MFN1: variants seen among roughly 807,000 people sequenced by gnomAD.
MFN1 encodes the protein mitofusin 1, also known as mitofusin-1.
In MFN1, 65 loss-of-function variants were observed where a neutral mutation model predicts 92.4. That is an observed-to-expected ratio of 0.70 (90% confidence interval 0.58 to 0.86). The LOEUF is 0.86. MFN1 is among the 40% of genes least tolerant of loss of function. The pLI is 0.00. For synonymous variants in MFN1, 297 were observed against 300.9 expected (o/e 0.99, Z 0.13); for missense variants, 781 against 868.0 (o/e 0.90, Z 1.26).
intron 5 of MFN1, 148 bp from the exon 6 acceptor site, chr3:179,364,149 C>A: frequency 1.8e-6 from 1 of 560,692 alleles, no homozygotes; most frequent in Non-Finnish European, 3.1e-6. Flanking sequence ...TCAAAGATCA[C>A]TAAGTTAAAA....
At chr3:179,348,701 C>T (rs1712017812) in intron 1 of MFN1, 144 bp from the exon 2 acceptor site, 5 of 1,263,078 alleles carry the variant, frequency 4.0e-6, no homozygotes, top group Middle Eastern at 2.2e-4. Context: ...CTGACTAGAA[C>T]ACTCCCAAAA....
chr3:179,392,074 T>C lies in MFN1; in HGVS notation c.*15T>C, dbSNP rs202217282. The stretch of plus-strand genomic sequence containing the variant: ...AAGAATCCTAACAATAGAGATTGCT[T>C]TGGTGACCATGATAGGAGGAAACGA... On this transcript the variant is annotated 3_prime_UTR_variant, in exon 18 of 18. Coordinates refer to ENST00000471841, the MANE Select transcript of MFN1 (RefSeq NM_033540.3). The C allele has an allele frequency of 3.0e-4, 464 of 1,560,246 alleles. No homozygotes were observed. The highest frequency in any genetic ancestry group is 3.7e-4 in the Non-Finnish European group (421 of 1,136,662).
chr3:179,392,236 G>A lies in MFN1; in HGVS notation c.*177G>A, dbSNP rs950890301. ...CAGGGTATGTGTATTTTTGAAGAGTGTTATGTCCTTAGTTTTAATTTTGAG... is the reference window on the plus strand; with the variant it reads ...CAGGGTATGTGTATTTTTGAAGAGTATTATGTCCTTAGTTTTAATTTTGAG... On this transcript the variant is annotated 3_prime_UTR_variant, in exon 18 of 18. Transcript: ENST00000471841. The A allele has an allele frequency of 2.2e-6, 1 of 446,316 alleles. No homozygotes were observed. Among genetic ancestry groups the A allele is most frequent in the African/African-American group, 2.0e-5 (1 of 49,348 alleles). 27.6% of individuals were successfully genotyped at this position (446,316 alleles called of 1,614,324 possible).
At chr3:179,384,203 A>G (rs1285564442) in intron 14 of MFN1, among the ~76,000 whole-genome samples, 1 of 152,248 alleles carries the variant, frequency 6.6e-6, no homozygotes, top group South Asian at 2.1e-4. Context: ...CATTATAGAT[A>G]CAACACTATC....
intron 10 of MFN1, 55 bp downstream of exon 10, chr3:179,375,396 G>A: frequency 6.3e-7 from 1 of 1,598,508 alleles, no homozygotes; most frequent in Middle Eastern, 1.7e-4. Context: ...TCAGACTTTT[G>A]TTAAGATGAG....
At chr3:179,362,735 A>G (rs1379837416) in intron 5 of MFN1, among the ~76,000 whole-genome samples, 2 of 152,170 alleles carry the variant, frequency 1.3e-5, no homozygotes, top group African/African-American at 4.8e-5. Context: ...CCGCAGTGCC[A>G]CGATCTTGGC....
chr3:179,354,587 G>A (rs1358323265), intron 3 of MFN1, among the ~76,000 whole-genome samples: 1 of 152,192 alleles, frequency 6.6e-6, no homozygotes, highest in Admixed American at 6.5e-5. Flanking sequence ...AGGAATTCCG[G>A]ATGGGTCCAT....
chr3:179,360,464 A>G (rs1198124073), intron 4 of MFN1, among the ~76,000 whole-genome samples: 2 of 152,122 alleles, frequency 1.3e-5, no homozygotes, highest in Admixed American at 1.3e-4. Flanking sequence ...ATATTTATGA[A>G]TAAATATTTT....
At chr3:179,381,816 C>T (rs1187605524) in intron 14 of MFN1, among the ~76,000 whole-genome samples, 1 of 152,144 alleles carries the variant, frequency 6.6e-6, no homozygotes, top group African/African-American at 2.4e-5. Context: ...GACTTGGGTC[C>T]CATCCTCAAG....
At chr3:179,352,357 A>T (rs1468494801) in intron 3 of MFN1, among the ~76,000 whole-genome samples, 1 of 152,218 alleles carries the variant, frequency 6.6e-6, no homozygotes, top group South Asian at 2.1e-4. Flanking sequence ...TGATTATGTG[A>T]AAGTTTCAGA....
At chr3:179,361,432 A>G (rs1039959348) in intron 4 of MFN1, among the ~76,000 whole-genome samples, 1 of 152,200 alleles carries the variant, frequency 6.6e-6, no homozygotes, top group African/African-American at 2.4e-5. Flanking sequence ...TGTAGCATTC[A>G]GTAGTTTTTC....
At position 179,367,599 on chromosome 3, in the gene MFN1, A is replaced by G; in HGVS notation, c.907+7A>G. The stretch of plus-strand genomic sequence containing the variant: ...CAGGGGATGCCAGAAAGTGGTATGC[A>G]TTACCTATAGATTTCCTGTTTAAAT... On this transcript the variant is annotated splice_region_variant and intron_variant, in intron 8 of 17. Coordinates refer to ENST00000471841, the MANE Select transcript of MFN1 (RefSeq NM_033540.3). The G allele has an allele frequency of 1.3e-6, 2 of 1,599,246 alleles. No homozygotes were observed. The highest frequency in any genetic ancestry group is 1.8e-5 in the Admixed American group (1 of 55,912).
intron 9 of MFN1, among the ~76,000 whole-genome samples, chr3:179,372,086 T>G (rs1435857671): frequency 1.4e-5 from 2 of 146,482 alleles, no homozygotes; most frequent in Non-Finnish European, 3.0e-5. Flanking sequence ...AATACATATA[T>G]AAATATTATA....
In MFN1 at chr3:179,378,427, C is replaced by A. The variant is rs968610983; in HGVS notation, c.1416C>A (p.Thr472=). 1 of 1,593,916 alleles carries A rather than the reference C, an allele frequency of 6.3e-7. No individual in the cohort carries two copies. The highest frequency in any genetic ancestry group is 8.5e-7 in the Non-Finnish European group (1 of 1,174,422). Reference sequence around the variant, plus strand: ...AAGTAAACGCCTTAGTGCTTCAGACCCAGCAAGAAATTATTGGTAATATTT... The same window carrying A: ...AAGTAAACGCCTTAGTGCTTCAGACACAGCAAGAAATTATTGGTAATATTT... ...TDEVNALVLQ[T]QQEIIENLKP... Residue 472 remains threonine (T), a synonymous_variant, in exon 13 of 18, where the codon ACC becomes ACA. Coordinates refer to ENST00000471841, the MANE Select transcript of MFN1 (RefSeq NM_033540.3).
intron 16 of MFN1, among the ~76,000 whole-genome samples, chr3:179,389,710 A>G (rs963673458): frequency 7.2e-5 from 11 of 152,116 alleles, no homozygotes; most frequent in Non-Finnish European, 1.6e-4. Context: ...TACTTTGCGC[A>G]GGGCCCCAAG....
intron 7 of MFN1, among the ~76,000 whole-genome samples, chr3:179,366,892 CCTGGTT>C (rs1712814871): frequency 1.3e-5 from 2 of 152,132 alleles, no homozygotes; most frequent in African/African-American, 4.8e-5. Context: ...AATTCTAATG[CCTGGTT>C]AATGCATTCT....
rs1713333416 is a variant in MFN1 at position 179,378,396 on chromosome 3, C to T, written c.1385C>T (p.Thr462Ile). Residue 462 changes from threonine to isoleucine, a missense_variant, in exon 13 of 18, where the codon ACC becomes ATC. Thr to Ile is a moderately conservative substitution (Grantham distance 89). Transcript: ENST00000471841. ...GMGRNLADRC[T>I]DEVNALVLQT... The stretch of plus-strand genomic sequence containing the variant: ...GGAAGAAATTTGGCTGATCGATGCA[C>T]CGATGAAGTAAACGCCTTAGTGCTT... The T allele has an allele frequency of 1.1e-5, 18 of 1,606,816 alleles. No homozygotes were observed. The highest frequency in any genetic ancestry group is 1.7e-5 in the Admixed American group (1 of 57,996).
intron 14 of MFN1, among the ~76,000 whole-genome samples, chr3:179,380,183 G>A (rs1331603972): frequency 6.6e-6 from 1 of 152,202 alleles, no homozygotes; most frequent in Non-Finnish European, 1.5e-5. Context: ...GAAATTCATT[G>A]ATGAATTTGC....
intron 14 of MFN1, among the ~76,000 whole-genome samples, chr3:179,384,199 A>G (rs2108555501): frequency 6.6e-6 from 1 of 152,322 alleles, no homozygotes; most frequent in South Asian, 2.1e-4. Flanking sequence ...ATTCCATTAT[A>G]GATACAACAC....
Sources: gnomAD v4.1 joint callset for allele counts (sites outside exome capture counted in the v4.1 genomes callset) on GRCh38, gnomAD v4.1.1 for gene constraint, MANE v1.5 for transcripts, NCBI Gene and HGNC (gene_info 2026-07-23, HGNC 2026-07-21) for gene names.